TH: variants seen among roughly 807,000 people sequenced by gnomAD.
TH encodes tyrosine hydroxylase, also known as tyrosine 3-monooxygenase.
In TH, 49 loss-of-function variants were observed where a neutral mutation model predicts 57.4. The ratio of observed to expected loss-of-function variants is 0.85; its 90% CI spans 0.68 to 1.08. TH has a LOEUF of 1.08. TH is among the 50% of genes least tolerant of loss of function. The probability of loss-of-function intolerance (pLI) is 0.00; values close to 1 mark genes in which losing one functional copy is unlikely to be tolerated. For missense variants in TH, 720 were observed against 696.7 expected (o/e 1.03, Z -0.38); for synonymous variants, 330 against 304.5 (o/e 1.08, Z -0.87).
At chr11:2,169,421 G>A (rs1163812704) in intron 2 of TH, among the ~76,000 whole-genome samples, 1 of 152,144 alleles carries the variant, frequency 6.6e-6, no homozygotes, top group East Asian at 1.9e-4. Context: ...GGCACAGTGG[G>A]GCTTGGTAGC....
Position 2,166,529 on chromosome 11 carries a change from A to G in TH, c.998T>C (p.Leu333Pro), listed in dbSNP as rs1846095029. 6.2e-7 allele frequency: 1 copy of G among 1,602,656 alleles called. No individual in the cohort carries two copies. Residue 333 changes from leucine (L) to proline (P), a missense_variant, in exon 9 of 13, where the codon CTG becomes CCG. Leu to Pro is a moderately conservative substitution (Grantham distance 98). Coordinates refer to ENST00000352909, the MANE Select transcript of TH (RefSeq NM_000360.4). ...SPEPDCCHEL[L>P]GHVPMLADRT... ...GTCGGCCAGCATGGGCACGTGCCCC[A>G]GCAGCTCGTGGCAGCAGTCCCTGCG... is the stretch of plus-strand genomic sequence containing the variant.
Position 2,170,898 on chromosome 11 carries a change from T to A in TH, c.90+799A>T. 1.6e-6 allele frequency: 1 copy of A among 609,522 alleles called. No individual in the cohort carries two copies. The highest frequency in any genetic ancestry group is 2.9e-6 in the Non-Finnish European group (1 of 344,264). The allele number at this position is 609,522 out of a possible 1,614,324, so 37.8% of individuals were successfully genotyped here. ...TGACACTGCTACAACTCACACCACATTTCAATCAAGGTCCATAAATAAAAA... is the reference window on the plus strand; with the variant it reads ...TGACACTGCTACAACTCACACCACAATTCAATCAAGGTCCATAAATAAAAA... On this transcript the variant is annotated intron_variant, in intron 1 of 12. Transcript: ENST00000352909. This position sits in a 1 kb window ranked among gnomAD's most constrained non-coding sequence, Gnocchi z 6.0.
rs760052414 is a variant in TH, at chr11:2,165,681, TAGG to T, written c.1184_1186del (p.Ser395del). On this transcript the variant is annotated inframe_deletion, in exon 11 of 13. Transcript: ENST00000352909. ...AGAGACTCTCACCAGGAGCTCCCCG[TAGG>T]AGGACAGCAGCCCGGCACCATAGGC... 6.2e-7 allele frequency: 1 copy of T among 1,612,442 alleles called. No individual in the cohort carries two copies. The highest frequency in any genetic ancestry group is 1.3e-5 in the African/African-American group (1 of 74,848).
chr11:2,170,789 ATGGGGAGCCTGG>A lies in TH; in HGVS notation c.90+896_90+907del. The A allele has an allele frequency of 3.3e-6, 2 of 613,722 alleles. No individual in the cohort carries two copies. The highest frequency in any genetic ancestry group is 3.9e-6 in the Non-Finnish European group (2 of 517,904). The allele number at this position is 613,722 out of a possible 1,614,324, so 38.0% of individuals were successfully genotyped here. Reference sequence around the variant, plus strand: ...GGGCGCCCTGGGGAGGGGATGCCTGATGGGGAGCCTGGTGGGGGAGGGTAGGGGAGGGCGGGG... The same window carrying A: ...GGGCGCCCTGGGGAGGGGATGCCTGATGGGGGAGGGTAGGGGAGGGCGGGG... On this transcript the variant is annotated intron_variant, in intron 1 of 12. Transcript: ENST00000352909. The surrounding 1 kb of genome is among the most constrained non-coding windows in gnomAD (Gnocchi z 6.0).
In TH at chr11:2,166,620, G is replaced by A. The variant is rs1245023415; in HGVS notation, c.977+13C>T. The A allele has an allele frequency of 3.8e-6, 6 of 1,581,990 alleles. No homozygotes were observed. Among genetic ancestry groups the A allele is most frequent in the Non-Finnish European group, 5.1e-6 (6 of 1,165,658 alleles). ...CCCCCACCCTCGGGCTGGCGGCCAG[G>A]GCGCGCACTCACGGCTCAGGGGAGT... On this transcript the variant is annotated intron_variant, in intron 8 of 12. Coordinates refer to ENST00000352909, the MANE Select transcript of TH (RefSeq NM_000360.4).
At position 2,167,165 on chromosome 11, in the gene TH, G is replaced by A. The variant is rs1590167933; in HGVS notation, c.696-133C>T. 1.6e-5 allele frequency: 21 copies of A among 1,342,218 alleles called. No homozygotes were observed. The East Asian group carries it at 5.0e-4, about 32-fold the overall frequency. The allele number at this position is 1,342,218 out of a possible 1,614,324, so 83.1% of individuals were successfully genotyped here. ...CTCTTGGGGACCCCTGAAGACCCAG[G>A]CCCCCGGGAGGGGCTTTTGCTGGTG... On this transcript the variant is annotated intron_variant, in intron 6 of 12. Coordinates refer to ENST00000352909, the MANE Select transcript of TH (RefSeq NM_000360.4).
chr11:2,167,913 G>T lies in TH; in HGVS notation c.597C>A (p.Tyr199Ter), dbSNP rs1303899910. ...CAGCAATCAGCTTCCTGCGCTGGCG[G>T]TACACCTGGTCCGAGAAGCCCTGAG... Reference protein sequence around the residue: ...LDHPGFSDQVYRQRRKLIAEI... With the variant: ...LDHPGFSDQV Residue 199 changes from tyrosine to a stop codon, truncating the protein, a stop_gained, in exon 5 of 13, where the codon TAC becomes TAA. Coordinates refer to ENST00000352909, the MANE Select transcript of TH (RefSeq NM_000360.4). LOFTEE classifies it high-confidence loss of function. 6.2e-7 allele frequency: 1 copy of T among 1,611,452 alleles called. No homozygotes were observed. Among genetic ancestry groups the T allele is most frequent in the East Asian group, 2.2e-5 (1 of 44,820 alleles).
rs7925375 is a variant in TH, at chr11:2,169,925, T to C, written c.91-54A>G. 1,172,271 of 1,547,838 alleles carry C rather than the reference T, an allele frequency of 0.76. 447,074 individuals carry two copies. Among genetic ancestry groups the C allele is most frequent in the East Asian group, 0.82 (34,284 of 41,692 alleles). On this transcript the variant is annotated intron_variant, in intron 1 of 12. Coordinates refer to ENST00000352909, the MANE Select transcript of TH (RefSeq NM_000360.4). Reference sequence around the variant, plus strand: ...CTCCACCTGCTGAGACCCGGGGACCTCCACCCACAGCTGGTCCCACAGTCG... The same window carrying C: ...CTCCACCTGCTGAGACCCGGGGACCCCCACCCACAGCTGGTCCCACAGTCG...
chr11:2,168,305 G>A (rs1051281634), intron 3 of TH, 126 bp from the exon 4 acceptor site: 51 of 1,351,436 alleles, frequency 3.8e-5, no homozygotes, highest in Admixed American at 1.5e-4. Flanking sequence ...TGAGAGCTGC[G>A]GGGGGATCCT....
intron 3 of TH, 67 bp from the exon 4 acceptor site, chr11:2,168,246 A>C (rs1381498208): frequency 1.9e-6 from 3 of 1,547,830 alleles, no homozygotes; most frequent in Non-Finnish European, 2.7e-6. Context: ...ACCCACCTTG[A>C]AGCAGCCTCC....
rs1846260945 is a variant in TH at position 2,171,624 on chromosome 11, G to C, written c.90+73C>G. ...CTGGGGCTGCCAGCCAGGCTGGGGA[G>C]TAGCAGAGGCAGCTGGCACCAGCCC... On this transcript the variant is annotated intron_variant, in intron 1 of 12. Transcript: ENST00000352909. The surrounding 1 kb of genome is among the most constrained non-coding windows in gnomAD (Gnocchi z 8.6). 6.5e-7 allele frequency: 1 copy of C among 1,532,162 alleles called. No individual in the cohort carries two copies. Among genetic ancestry groups the C allele is most frequent in the South Asian group, 1.1e-5 (1 of 88,894 alleles). 94.9% of individuals were successfully genotyped at this position (1,532,162 alleles called of 1,614,324 possible). A position where few individuals can be genotyped will look rare whatever the true frequency, so the allele number is the denominator to read the frequency against.
chr11:2,167,975 G>C, intron 4 of TH, 42 bp from the exon 5 acceptor site: 1 of 1,609,746 alleles, frequency 6.2e-7, no homozygotes, highest in East Asian at 2.2e-5. Context: ...GCTGTGCTGG[G>C]GTGGGGGCAC....
Position 2,165,990 on chromosome 11 carries a change from G to T in TH, c.1104+12C>A. On this transcript the variant is annotated intron_variant, in intron 10 of 12. Transcript: ENST00000352909. Reference sequence around the variant, plus strand: ...CCCACACCCCAGGCCCTGCAGGGAGGGGTCAACCCACCGTGGACAGCTTCT... The same window carrying T: ...CCCACACCCCAGGCCCTGCAGGGAGTGGTCAACCCACCGTGGACAGCTTCT... 1 of 1,560,098 alleles carries T rather than the reference G, an allele frequency of 6.4e-7. No homozygotes were observed. Among genetic ancestry groups the T allele is most frequent in the African/African-American group, 1.4e-5 (1 of 74,024 alleles).
chr11:2,168,064 G>A, intron 4 of TH, 27 bp downstream of exon 4: 2 of 1,612,450 alleles, frequency 1.2e-6, no homozygotes, highest in Non-Finnish European at 1.7e-6. Context: ...AGGGGCAGGA[G>A]GCCTGAGTGA....
In TH at chr11:2,170,785, C is replaced by A; in HGVS notation, c.90+912G>T. 9.9e-7 allele frequency: 1 copy of A among 1,008,702 alleles called. No homozygotes were observed. Among genetic ancestry groups the A allele is most frequent in the Admixed American group, 3.6e-5 (1 of 27,856 alleles). The allele number at this position is 1,008,702 out of a possible 1,614,324, so 62.5% of individuals were successfully genotyped here. ...CCCGGGGCGCCCTGGGGAGGGGATG[C>A]CTGATGGGGAGCCTGGTGGGGGAGG... On this transcript the variant is annotated intron_variant, in intron 1 of 12. Transcript: ENST00000352909. This position sits in a 1 kb window ranked among gnomAD's most constrained non-coding sequence, Gnocchi z 6.0.
At position 2,168,471 on chromosome 11, in the gene TH, A is replaced by C; in HGVS notation, c.487+20T>G. On this transcript the variant is annotated intron_variant, in intron 3 of 12. Coordinates refer to ENST00000352909, the MANE Select transcript of TH (RefSeq NM_000360.4). The stretch of plus-strand genomic sequence containing the variant: ...TCTCAAGGTCATTTGGTGGCCCTCA[A>C]GGACAGAAAACCGCCTCACCCTTGG... 6.2e-7 allele frequency: 1 copy of C among 1,611,936 alleles called. No homozygotes were observed. The highest frequency in any genetic ancestry group is 8.5e-7 in the Non-Finnish European group (1 of 1,179,708).
intron 6 of TH, 70 bp downstream of exon 6, chr11:2,167,365 C>G: frequency 6.6e-7 from 1 of 1,524,258 alleles, no homozygotes. Flanking sequence ...GGAGGCGGCC[C>G]TCACACGCCA....
rs1590166863 is a variant in TH at position 2,166,498 on chromosome 11, G to A, written c.1029C>T (p.Thr343=). The A allele has an allele frequency of 6.3e-7, 1 of 1,595,266 alleles. No homozygotes were observed. Among genetic ancestry groups the A allele is most frequent in the Non-Finnish European group, 8.5e-7 (1 of 1,176,034 alleles). Residue 343 remains threonine (T), a synonymous_variant, in exon 9 of 13, where the codon ACC becomes ACT. Transcript: ENST00000352909. The part of the protein sequence containing the change: ...LGHVPMLADR[T]FAQFSQDIGL... ...GGCGTACCTGCGAGAACTGCGCGAAGGTGCGGTCGGCCAGCATGGGCACGT... is the reference window on the plus strand; with the variant it reads ...GGCGTACCTGCGAGAACTGCGCGAAAGTGCGGTCGGCCAGCATGGGCACGT...
Position 2,166,544 on chromosome 11 carries a change from C to T in TH, c.983G>A (p.Cys328Tyr). ...CACGTGCCCCAGCAGCTCGTGGCAG[C>T]AGTCCCTGCGCGTAGGAGGGAGAAG... ...SSPMHSPEPDCCHELLGHVPM... is the reference protein window; with the variant it reads ...SSPMHSPEPDYCHELLGHVPM... The change falls in exon 9 of 13, where the codon TGC (cysteine) becomes TAC (tyrosine). Residue 328 changes from cysteine (C) to tyrosine (Y), a missense_variant. By Grantham distance (194) the Cys-to-Tyr change is radical. Coordinates refer to ENST00000352909, the MANE Select transcript of TH (RefSeq NM_000360.4). 1.2e-6 allele frequency: 2 copies of T among 1,601,956 alleles called. No homozygotes were observed. Among genetic ancestry groups the T allele is most frequent in the East Asian group, 2.2e-5 (1 of 44,548 alleles).
Sources: gnomAD v4.1 joint callset for allele counts (sites outside exome capture counted in the v4.1 genomes callset) on GRCh38, gnomAD v4.1.1 for gene constraint, Gnocchi (gnomAD v3.1) non-coding constraint, MANE v1.5 for transcripts, NCBI Gene and HGNC (gene_info 2026-07-23, HGNC 2026-07-21) for gene names.